The following NF2 variants were observed in gnomAD, a reference collection of about 807,000 sequenced individuals.
NF2 encodes the protein NF2, moesin-ezrin-radixin like (MERLIN) tumor suppressor.
In NF2, 8 loss-of-function variants were observed where a neutral mutation model predicts 83.7. That is an observed-to-expected ratio of 0.10 (90% confidence interval 0.06 to 0.17). The LOEUF is 0.17. Ranked by LOEUF, NF2 falls within the 10% of genes least tolerant of loss-of-function variation. The pLI is 1.00. For missense variants in NF2, 533 were observed against 744.4 expected (o/e 0.72, Z 3.31); for synonymous variants, 266 against 269.6 (o/e 0.99, Z 0.13).
At chr22:29,666,788 C>T (rs1475838897) in intron 9 of NF2, among the ~76,000 whole-genome samples, 2 of 152,080 alleles carry the variant, frequency 1.3e-5, no homozygotes, top group Admixed American at 1.3e-4. Flanking sequence ...ACCAGCCTGA[C>T]CAACATGGAG....
intron 13 of NF2, among the ~76,000 whole-genome samples, chr22:29,677,608 A>C (rs2067005021): frequency 6.6e-6 from 1 of 151,166 alleles, no homozygotes; most frequent in African/African-American, 2.4e-5. Context: ...GGTGGTGCCC[A>C]TCTCCCACCC....
At position 29,696,594 on chromosome 22, in the gene NF2, G is replaced by A. The variant is rs17462054; in HGVS notation, c.*1792G>A. On this transcript the variant is annotated 3_prime_UTR_variant, in exon 16 of 16. Transcript: ENST00000338641. ...ACTATCAGGCTGACCTAATGGGGTT[G>A]GGCTGCTCGGCAACTGCTTGGGTCA... The A allele has an allele frequency of 0.097, 20,731 of 214,178 alleles. 1,248 individuals carry two copies. The highest frequency in any genetic ancestry group is 0.17 in the South Asian group (900 of 5,348). 13.3% of individuals were successfully genotyped at this position (214,178 alleles called of 1,614,324 possible). A position where few individuals can be genotyped will look rare whatever the true frequency, so the allele number is the denominator to read the frequency against.
chr22:29,670,180 T>G (rs2066739056), intron 10 of NF2, among the ~76,000 whole-genome samples: 1 of 152,114 alleles, frequency 6.6e-6, no homozygotes, highest in Non-Finnish European at 1.5e-5. Flanking sequence ...AATTGTTTCG[T>G]AGAGATCAGG....
intron 12 of NF2, among the ~76,000 whole-genome samples, chr22:29,674,234 T>A (rs731647): frequency 0.73 from 111,215 of 152,118 alleles, 41,510 homozygotes; most frequent in East Asian, 0.91. Flanking sequence ...CTTACTGTAT[T>A]CGGGGGTCAC....
rs1304480403 is a variant in NF2 at position 29,636,925 on chromosome 22, G to A, written c.240+49G>A. 15 of 1,612,896 alleles carry A rather than the reference G, an allele frequency of 9.3e-6. No individual in the cohort carries two copies. The South Asian group carries it at 1.4e-4, about 15-fold the overall frequency. On this transcript the variant is annotated intron_variant, in intron 2 of 15. Transcript: ENST00000338641. This position sits in a 1 kb window ranked among gnomAD's most constrained non-coding sequence, Gnocchi z 4.4. The stretch of plus-strand genomic sequence containing the variant: ...TGGTGGGGCTGACGTGAGCTTTCCA[G>A]TTTTTCCCTGAGCAGGCGCCTAGCT...
intron 1 of NF2, among the ~76,000 whole-genome samples, chr22:29,633,594 C>T (rs1049753847): frequency 2.0e-5 from 3 of 152,144 alleles, no homozygotes; most frequent in Admixed American, 6.6e-5. Flanking sequence ...GCCTATGACT[C>T]GTCTGCTCAA....
rs375581242 is a variant in NF2 at position 29,652,591 on chromosome 22, C to T, written c.448-2066C>T. 5.9e-5 allele frequency among the ~76,000 whole-genome samples: 9 copies of T among 152,150 alleles called. No homozygotes were observed. In the East Asian group the frequency reaches 1.5e-3, roughly 26 times the overall value. On this transcript the variant is annotated intron_variant, in intron 4 of 15. Transcript: ENST00000338641. ...GTGCTGGGATTACAGGTGTGAGCCA[C>T]CACGCCCAGCCAAGCATAGTTTTAA...
At chr22:29,614,063 G>A (rs1431287803) in intron 1 of NF2, among the ~76,000 whole-genome samples, 1 of 150,708 alleles carries the variant, frequency 6.6e-6, no homozygotes, top group Non-Finnish European at 1.5e-5. Context: ...GGCCGGAATA[G>A]TCCTTTCAAC....
In NF2 at chr22:29,683,176, G is replaced by A. The variant is rs550607505; in HGVS notation, c.1737+1575G>A. 3 of 1,611,840 alleles carry A rather than the reference G, an allele frequency of 1.9e-6. No homozygotes were observed. In the African/African-American group the frequency reaches 4.0e-5, roughly 21 times the overall value. The stretch of plus-strand genomic sequence containing the variant: ...TCGGGCCACACTGAGCCCTTACGAG[G>A]GCAGGTGGTGCCTGGGTACTGGCCG... On this transcript the variant is annotated intron_variant, in intron 15 of 15. Coordinates refer to ENST00000338641, the MANE Select transcript of NF2 (RefSeq NM_000268.4).
At chr22:29,675,090 G>T in intron 13 of NF2, 149 bp downstream of exon 13, 1 of 689,490 alleles carries the variant, frequency 1.5e-6, no homozygotes, top group South Asian at 1.8e-5. Context: ...CTGCAGTTAG[G>T]GACTGGGTAG....
At chr22:29,604,681 G>C (rs1180398835) in intron 1 of NF2, among the ~76,000 whole-genome samples, 1 of 152,124 alleles carries the variant, frequency 6.6e-6, no homozygotes, top group African/African-American at 2.4e-5. Context: ...TGGCAAGGTG[G>C]GGTTTTGAAC....
chr22:29,620,477 T>C (rs1417964945), intron 1 of NF2, among the ~76,000 whole-genome samples: 2 of 151,976 alleles, frequency 1.3e-5, no homozygotes, highest in African/African-American at 2.4e-5. Flanking sequence ...TGGTGGCTCA[T>C]TCCTGTAATC....
intron 1 of NF2, among the ~76,000 whole-genome samples, chr22:29,606,870 C>T (rs1462955283): frequency 6.6e-6 from 1 of 152,102 alleles, no homozygotes; most frequent in Non-Finnish European, 1.5e-5. Flanking sequence ...ATATGGTGAA[C>T]CCCATCTCTA....
chr22:29,634,121 G>A (rs773664690), intron 1 of NF2, among the ~76,000 whole-genome samples: 8 of 152,308 alleles, frequency 5.3e-5, no homozygotes, highest in South Asian at 2.1e-4. Context: ...TTAGATCACC[G>A]TGAAAAAGGC....
At chr22:29,626,014 A>G (rs527930028) in intron 1 of NF2, among the ~76,000 whole-genome samples, 1 of 152,328 alleles carries the variant, frequency 6.6e-6, no homozygotes, top group African/African-American at 2.4e-5. Flanking sequence ...TAATTACTAA[A>G]TGTATCTCGA....
chr22:29,609,014 T>C, intron 1 of NF2: 2 of 686,670 alleles, frequency 2.9e-6, no homozygotes, highest in Admixed American at 2.0e-5. Context: ...CGGAATGTAA[T>C]GGATGAACAT....
At chr22:29,612,768 A>G (rs1446958977) in intron 1 of NF2, among the ~76,000 whole-genome samples, 2 of 152,190 alleles carry the variant, frequency 1.3e-5, no homozygotes, top group Non-Finnish European at 2.9e-5. Context: ...GTTTGACATA[A>G]TCCCTGTCAG....
chr22:29,621,274 T>G (rs1399530061), intron 1 of NF2, among the ~76,000 whole-genome samples: 2 of 152,212 alleles, frequency 1.3e-5, no homozygotes, highest in African/African-American at 2.4e-5. Flanking sequence ...GCTCTGCCTC[T>G]AACCAGCTTT....
At chr22:29,651,869 C>T (rs1023226011) in intron 4 of NF2, among the ~76,000 whole-genome samples, 1 of 152,210 alleles carries the variant, frequency 6.6e-6, no homozygotes, top group African/African-American at 2.4e-5. Flanking sequence ...AGAGCTTGGT[C>T]AGCACTGTTG....
Sources: allele counts gnomAD v4.1 joint callset (sites outside exome capture counted in the v4.1 genomes callset), GRCh38; gene constraint gnomAD v4.1.1; non-coding constraint Gnocchi (gnomAD v3.1); transcripts MANE v1.5; gene names NCBI Gene and HGNC (gene_info 2026-07-23, HGNC 2026-07-21).